SVOP: variants seen among roughly 807,000 people sequenced by gnomAD.
SVOP encodes synaptic vesicle 2-related protein.
Under a neutral mutation model 69.1 loss-of-function variants are expected in SVOP, and 17 were observed. The ratio of observed to expected loss-of-function variants is 0.25; its 90% CI spans 0.17 to 0.37. The LOEUF (loss-of-function observed/expected upper bound fraction) is 0.37. Ranked by LOEUF, SVOP falls within the 10% of genes least tolerant of loss-of-function variation. SVOP has a pLI of 1.00. For synonymous variants in SVOP, 238 were observed against 238.6 expected, an observed-to-expected ratio of 1.00 and a Z score of 0.02; for missense variants, 435 against 597.5, an observed-to-expected ratio of 0.73 and a Z score of 2.84.
intron 11 of SVOP, among the ~76,000 whole-genome samples, chr12:108,927,005 AAT>A (rs1289106380): frequency 6.6e-6 from 1 of 152,178 alleles, no homozygotes; most frequent in Non-Finnish European, 1.5e-5. Flanking sequence ...TCGAAGATAA[AAT>A]GTCTCTCTCC....
intron 5 of SVOP, among the ~76,000 whole-genome samples, chr12:108,971,927 G>A (rs531281838): frequency 2.0e-4 from 31 of 152,052 alleles, no homozygotes; most frequent in African/African-American, 7.5e-4. Flanking sequence ...ATTGGCGCAT[G>A]CTTGTAGTCC....
intron 2 of SVOP, among the ~76,000 whole-genome samples, chr12:108,979,015 T>C (rs910393772): frequency 9.9e-5 from 15 of 152,226 alleles, no homozygotes; most frequent in Non-Finnish European, 1.9e-4. Flanking sequence ...TGTTAATTAA[T>C]GTTTAAAAAT....
chr12:108,990,502 C>T (rs1302998286), intron 1 of SVOP, among the ~76,000 whole-genome samples: 1 of 127,756 alleles, frequency 7.8e-6, no homozygotes, highest in Non-Finnish European at 1.6e-5. Flanking sequence ...CACACCGGGA[C>T]CTGTCGTGGG....
intron 6 of SVOP, among the ~76,000 whole-genome samples, chr12:108,949,287 CCA>C (rs1298792816): frequency 6.6e-6 from 1 of 151,372 alleles, no homozygotes; most frequent in Non-Finnish European, 1.5e-5. Flanking sequence ...TTTTTTTTGC[CCA>C]CACAGAGTCT....
chr12:108,912,759 G>C lies in SVOP; in HGVS notation c.1441-18C>G, dbSNP rs750743783. 9.9e-6 allele frequency: 16 copies of C among 1,609,472 alleles called. No homozygotes were observed. Among genetic ancestry groups the C allele is most frequent in the Non-Finnish European group, 1.3e-5 (15 of 1,177,610 alleles). Reference sequence around the variant, plus strand: ...AGCATCACCTAGGGGAAGGAGACACGGGTCGGTGAAAGCATCCCTTCTGAA... The same window carrying C: ...AGCATCACCTAGGGGAAGGAGACACCGGTCGGTGAAAGCATCCCTTCTGAA... On this transcript the variant is annotated intron_variant, in intron 15 of 15. Coordinates refer to ENST00000610966, the MANE Select transcript of SVOP (RefSeq NM_018711.5).
chr12:109,003,014 TAAAA>T (rs369150628), intron 1 of SVOP, among the ~76,000 whole-genome samples: 1 of 150,242 alleles, frequency 6.7e-6, no homozygotes, highest in Non-Finnish European at 1.5e-5. Flanking sequence ...AAAATAAAAA[TAAAA>T]AAACAAGAAA....
rs193219981 is a variant in SVOP at position 108,946,253 on chromosome 12, C to G, written c.579-1087G>C. Among the ~76,000 whole-genome samples, 3 of 150,626 alleles carry G rather than the reference C, an allele frequency of 2.0e-5. No individual in the cohort carries two copies. In the East Asian group the frequency reaches 6.1e-4, roughly 31 times the overall value. ...CTAGGATTATAGGCACACACCACCACGCCTGGCCAATTTTTTTTTTTTTAA... is the reference window on the plus strand; with the variant it reads ...CTAGGATTATAGGCACACACCACCAGGCCTGGCCAATTTTTTTTTTTTTAA... On this transcript the variant is annotated intron_variant, in intron 6 of 15. Coordinates refer to ENST00000610966, the MANE Select transcript of SVOP (RefSeq NM_018711.5).
At chr12:108,962,691 C>A (rs1342468066) in intron 5 of SVOP, among the ~76,000 whole-genome samples, 12 of 152,140 alleles carry the variant, frequency 7.9e-5, no homozygotes, top group Non-Finnish European at 5.9e-5. Flanking sequence ...TGGGGCCGAG[C>A]ACGGTGGCTC....
intron 1 of SVOP, among the ~76,000 whole-genome samples, chr12:109,007,957 G>A (rs2040318224): frequency 6.6e-6 from 1 of 152,046 alleles, no homozygotes; most frequent in South Asian, 2.1e-4. Context: ...AGGATCATTT[G>A]AACCCAAGAG....
At chr12:108,931,045 T>C (rs1381057965) in intron 11 of SVOP, among the ~76,000 whole-genome samples, 3 of 152,182 alleles carry the variant, frequency 2.0e-5, no homozygotes, top group Non-Finnish European at 4.4e-5. Flanking sequence ...GTTTAAGCAT[T>C]AGGATGCTTA....
intron 11 of SVOP, among the ~76,000 whole-genome samples, chr12:108,931,402 T>C (rs781040052): frequency 6.6e-6 from 1 of 152,226 alleles, no homozygotes; most frequent in African/African-American, 2.4e-5. Context: ...TAGACTTTTC[T>C]TTGCATTTGT....
At position 108,977,511 on chromosome 12, in the gene SVOP, G is replaced by A. The variant is rs186377756; in HGVS notation, c.283-15C>T. 1.1e-5 allele frequency: 16 copies of A among 1,499,240 alleles called. No homozygotes were observed. Among genetic ancestry groups the A allele is most frequent in the Admixed American group, 5.9e-5 (3 of 50,934 alleles). The allele number at this position is 1,499,240 out of a possible 1,614,324, so 92.9% of individuals were successfully genotyped here. On this transcript the variant is annotated splice_polypyrimidine_tract_variant and intron_variant, in intron 3 of 15. Transcript: ENST00000610966. ...GCATCAGCCATCTGCAGAGAGGACG[G>A]AGACATCATGAGGCCAGGATGCTGC...
chr12:108,992,068 C>T (rs1328319101), intron 1 of SVOP, among the ~76,000 whole-genome samples: 2 of 152,122 alleles, frequency 1.3e-5, no homozygotes, highest in African/African-American at 2.4e-5. Flanking sequence ...CTCAAATACC[C>T]TCCCCCAACA....
intron 4 of SVOP, among the ~76,000 whole-genome samples, chr12:108,974,210 C>G (rs1466103007): frequency 6.6e-6 from 1 of 152,114 alleles, no homozygotes; most frequent in Non-Finnish European, 1.5e-5. Flanking sequence ...GGTGCTGAAC[C>G]CTGTCTCACT....
chr12:108,995,939 A>G (rs1238044434), intron 1 of SVOP, among the ~76,000 whole-genome samples: 1 of 151,972 alleles, frequency 6.6e-6, no homozygotes, highest in East Asian at 1.9e-4. Flanking sequence ...TTTATGTTAC[A>G]TATATTTTAC....
chr12:109,012,444 A>G (rs970197514), intron 1 of SVOP, among the ~76,000 whole-genome samples: 2 of 152,218 alleles, frequency 1.3e-5, no homozygotes, highest in African/African-American at 4.8e-5. Flanking sequence ...GAGATGATGC[A>G]TATGTTAATT....
chr12:108,944,542 G>A (rs766283015), intron 7 of SVOP, among the ~76,000 whole-genome samples: 1 of 152,168 alleles, frequency 6.6e-6, no homozygotes, highest in African/African-American at 2.4e-5. Flanking sequence ...ACTGTGTGGA[G>A]GGGGCCATTG....
intron 6 of SVOP, among the ~76,000 whole-genome samples, chr12:108,959,519 A>T (rs900151746): frequency 1.3e-5 from 2 of 151,844 alleles, no homozygotes; most frequent in African/African-American, 4.8e-5. Context: ...AAGCCCGGAA[A>T]ATTTTTGTAT....
intron 6 of SVOP, among the ~76,000 whole-genome samples, chr12:108,949,721 A>T: frequency 6.8e-6 from 1 of 146,860 alleles, no homozygotes; most frequent in African/African-American, 2.5e-5. Context: ...TTCTTAACAT[A>T]CACAGCACAC....
Sources: gnomAD v4.1 joint callset for allele counts (sites outside exome capture counted in the v4.1 genomes callset) on GRCh38, gnomAD v4.1.1 for gene constraint, MANE v1.5 for transcripts, NCBI Gene and HGNC (gene_info 2026-07-23, HGNC 2026-07-21) for gene names.